Variants in MTIF2 observed in about 807,000 individuals in gnomAD.
MTIF2 encodes mitochondrial translational initiation factor 2.
In MTIF2, 71 loss-of-function variants were observed where a neutral mutation model predicts 83.5. That is an observed-to-expected ratio of 0.85 (90% CI 0.70 to 1.04). The LOEUF (loss-of-function observed/expected upper bound fraction) is 1.04. MTIF2 is among the 50% of genes least tolerant of loss of function. The pLI is 0.00. For missense variants in MTIF2, 957 were observed against 846.5 expected, an observed-to-expected ratio of 1.13 and a Z score of -1.62; for synonymous variants, 319 against 287.1, an observed-to-expected ratio of 1.11 and a Z score of -1.12.
intron 5 of MTIF2, among the ~76,000 whole-genome samples, chr2:55,255,627 A>G (rs1677457000): frequency 6.6e-6 from 1 of 151,532 alleles, no homozygotes; most frequent in Non-Finnish European, 1.5e-5. Flanking sequence ...GGGCTTAGGA[A>G]CACTAGATAG....
intron 14 of MTIF2, among the ~76,000 whole-genome samples, chr2:55,239,460 T>C (rs903051602): frequency 1.3e-5 from 2 of 152,090 alleles, no homozygotes; most frequent in African/African-American, 4.8e-5. Context: ...TCTTGCAATT[T>C]TTCTGGAAAT....
Position 55,267,634 on chromosome 2 carries a change from C to A in MTIF2, c.-73G>T, listed in dbSNP as rs1678536249. 1 of 165,402 alleles carries A rather than the reference C, an allele frequency of 6.0e-6. No individual in the cohort carries two copies. The highest frequency in any genetic ancestry group is 1.5e-5 in the Non-Finnish European group (1 of 68,110). The allele number at this position is 165,402 out of a possible 1,614,324, so 10.2% of individuals were successfully genotyped here. On this transcript the variant is annotated splice_region_variant and 5_prime_UTR_variant, in exon 3 of 16. Coordinates refer to ENST00000263629, the MANE Select transcript of MTIF2 (RefSeq NM_002453.3). Reference sequence around the variant, plus strand: ...TTCCTATGGGCCTCATTTTCCGGATCTCTGTTAAAAATAAATAAATAAATA... The same window carrying A: ...TTCCTATGGGCCTCATTTTCCGGATATCTGTTAAAAATAAATAAATAAATA...
At chr2:55,242,564 T>G (rs557679291) in intron 13 of MTIF2, among the ~76,000 whole-genome samples, 1 of 152,182 alleles carries the variant, frequency 6.6e-6, no homozygotes, top group African/African-American at 2.4e-5. Context: ...AGGAAAGAAC[T>G]GAATAGGGTG....
chr2:55,256,328 A>ACACACACACAATAT (rs149034173), intron 5 of MTIF2, among the ~76,000 whole-genome samples: 1 of 138,668 alleles, frequency 7.2e-6, no homozygotes, highest in African/African-American at 2.6e-5. Context: ...ACACACACAC[A>ACACACACACAATAT]ATATATATCT....
chr2:55,252,222 A>T (rs1677146743), intron 8 of MTIF2, among the ~76,000 whole-genome samples: 2 of 152,188 alleles, frequency 1.3e-5, no homozygotes, highest in African/African-American at 4.8e-5. Flanking sequence ...TATGATAAAA[A>T]GTTGAAAAAA....
At position 55,254,779 on chromosome 2, in the gene MTIF2, T is replaced by C; in HGVS notation, c.378A>G (p.Ser126=). The C allele has an allele frequency of 6.2e-7, 1 of 1,609,788 alleles. No individual in the cohort carries two copies. The highest frequency in any genetic ancestry group is 1.3e-5 in the African/African-American group (1 of 74,884). The part of the protein sequence containing the change: ...ALLNTDIDID[S]LEADSHLDEV... ...CATCTAAATGTGAGTCTGCTTCCAGTGAATCTATGTCAATATCAGTGTTCA... is the reference window on the plus strand; with the variant it reads ...CATCTAAATGTGAGTCTGCTTCCAGCGAATCTATGTCAATATCAGTGTTCA... The change falls in exon 6 of 16, where the codon TCA becomes TCG. Residue 126 remains serine (S), a synonymous_variant. Transcript: ENST00000263629.
chr2:55,239,526 AG>A (rs1173699532), intron 14 of MTIF2, among the ~76,000 whole-genome samples: 6 of 152,142 alleles, frequency 3.9e-5, no homozygotes, highest in Admixed American at 3.3e-4. Context: ...CTACGTGGGG[AG>A]GAAAAAAAAC....
At position 55,236,814 on chromosome 2, in the gene MTIF2, A is replaced by C; in HGVS notation, c.2018T>G (p.Leu673Ter). 1 of 1,585,432 alleles carries C rather than the reference A, an allele frequency of 6.3e-7. No individual in the cohort carries two copies. The highest frequency in any genetic ancestry group is 8.5e-7 in the Non-Finnish European group (1 of 1,172,260). ...ATCTTTATGGTGTTTCAATGAGGTT[A>C]ATGAGCCTTAAAAAAGATAATTTAA... ...RNGHVIWKGSLTSLKHHKDDI... is the reference protein window; with the variant it reads ...RNGHVIWKGS Residue 673 changes from leucine to a stop codon, truncating the protein, a stop_gained, in exon 16 of 16, where the codon TTA becomes TGA. Coordinates refer to ENST00000263629, the MANE Select transcript of MTIF2 (RefSeq NM_002453.3). LOFTEE classifies it high-confidence loss of function.
intron 5 of MTIF2, among the ~76,000 whole-genome samples, chr2:55,261,604 T>A (rs1049432089): frequency 6.6e-6 from 1 of 151,278 alleles, no homozygotes; most frequent in African/African-American, 2.4e-5. Context: ...TGAAACTCCA[T>A]CTCAAAAAAT....
chr2:55,246,272 G>A (rs1005918017), intron 10 of MTIF2, 65 bp downstream of exon 10: 1 of 1,475,494 alleles, frequency 6.8e-7, no homozygotes, highest in African/African-American at 1.4e-5. Context: ...ATAATACATT[G>A]TCATATAATC....
At chr2:55,264,818 G>T (rs988670661) in intron 3 of MTIF2, among the ~76,000 whole-genome samples, 1 of 152,160 alleles carries the variant, frequency 6.6e-6, no homozygotes, top group Non-Finnish European at 1.5e-5. Context: ...AGAAAAAACT[G>T]TAACAGAACT....
intron 7 of MTIF2, among the ~76,000 whole-genome samples, chr2:55,253,139 C>T (rs1677232672): frequency 6.6e-6 from 1 of 152,140 alleles, no homozygotes; most frequent in African/African-American, 2.4e-5. Context: ...GAAGTATCGG[C>T]TTCCTTATTT....
chr2:55,256,687 C>T (rs113278511), intron 5 of MTIF2, among the ~76,000 whole-genome samples: 3,496 of 141,484 alleles, frequency 0.025, 70 homozygotes, highest in Middle Eastern at 0.13. Context: ...GGTGACAGAG[C>T]GAGACTCCAT....
Position 55,262,717 on chromosome 2 carries a change from AT to A in MTIF2, c.220-291del, listed in dbSNP as rs1294589919. Among the ~76,000 whole-genome samples, 202 of 55,486 alleles carry A rather than the reference AT, an allele frequency of 3.6e-3. 1 individual carries two copies. Among genetic ancestry groups the A allele is most frequent in the African/African-American group, 7.5e-3 (176 of 23,470 alleles). The allele number at this position is 55,486 out of a possible 152,430, so 36.4% of individuals were successfully genotyped here. On this transcript the variant is annotated intron_variant, in intron 4 of 15. Coordinates refer to ENST00000263629, the MANE Select transcript of MTIF2 (RefSeq NM_002453.3). ...ACCACCAAGCCCAGCTAATTTTTGT[AT>A]TTTTTTTTTTTGTTTTTTGTTTTGT...
At position 55,240,078 on chromosome 2, in the gene MTIF2, A is replaced by T. The variant is rs139962234; in HGVS notation, c.1803T>A (p.Arg601=). 4 of 1,613,660 alleles carry T rather than the reference A, an allele frequency of 2.5e-6. No homozygotes were observed. In the African/African-American group the frequency reaches 4.0e-5, roughly 16 times the overall value. Residue 601 remains arginine, a synonymous_variant, in exon 14 of 16, where the codon CGT becomes CGA. Coordinates refer to ENST00000263629, the MANE Select transcript of MTIF2 (RefSeq NM_002453.3). ...GTTCCTCTTGCAAATCTTCAACAAG[A>T]CGGTAAATTATTTTGTGAAGTTTAA... ...VKIKLHKIIY[R]LVEDLQEELS... is the part of the protein sequence containing the mutation.
intron 5 of MTIF2, among the ~76,000 whole-genome samples, chr2:55,261,292 G>A (rs1373106306): frequency 6.6e-6 from 1 of 152,106 alleles, no homozygotes; most frequent in Non-Finnish European, 1.5e-5. Context: ...TTCTCTGCTG[G>A]CCTTACAGAT....
intron 7 of MTIF2, 119 bp from the exon 8 acceptor site, chr2:55,252,772 C>A: frequency 1.5e-6 from 1 of 683,378 alleles, no homozygotes; most frequent in Non-Finnish European, 2.4e-6. Context: ...TTTATTCCTT[C>A]CATTAATCTT....
rs768352753 is a variant in MTIF2 at position 55,237,420 on chromosome 2, A to C, written c.1879T>G (p.Ser627Ala). The C allele has an allele frequency of 6.2e-7, 1 of 1,606,784 alleles. No individual in the cohort carries two copies. Among genetic ancestry groups the C allele is most frequent in the South Asian group, 1.1e-5 (1 of 89,542 alleles). Residue 627 changes from serine (S) to alanine (A), a missense_variant, in exon 15 of 16, where the codon TCT becomes GCT. By Grantham distance (99) the Ser-to-Ala change is moderately conservative. Transcript: ENST00000263629. ...AVEEHPVGEA[S>A]ILATFSVTEG... ...GTTACAGAGAAGGTAGCTAGTATAG[A>C]TGCCTCACCTTTAGGAAGAAGAGAA...
At chr2:55,260,174 C>T (rs887900395) in intron 5 of MTIF2, among the ~76,000 whole-genome samples, 2 of 151,884 alleles carry the variant, frequency 1.3e-5, no homozygotes, top group Non-Finnish European at 1.5e-5. Flanking sequence ...CCGAGGTGGG[C>T]GGATCACCTG....
Sources: gnomAD v4.1 joint callset for allele counts (sites outside exome capture counted in the v4.1 genomes callset) on GRCh38, gnomAD v4.1.1 for gene constraint, MANE v1.5 for transcripts, NCBI Gene and HGNC (gene_info 2026-07-23, HGNC 2026-07-21) for gene names.